RALGPS1: variants seen among roughly 807,000 people sequenced by gnomAD.
RALGPS1 encodes the protein Ral GEF with PH domain and SH3 binding motif 1.
Under a neutral mutation model 78.8 loss-of-function variants are expected in RALGPS1, and 19 were observed. The ratio of observed to expected loss-of-function variants is 0.24; its 90% confidence interval spans 0.17 to 0.35. The LOEUF is 0.35. Among genes scored for constraint, RALGPS1 ranks in the 10% least tolerant of loss-of-function variants. RALGPS1 has a pLI of 1.00. For missense variants in RALGPS1, 454 were observed against 688.3 expected, an observed-to-expected ratio of 0.66 and a Z score of 3.81; for synonymous variants, 228 against 256.3, an observed-to-expected ratio of 0.89 and a Z score of 1.06.
chr9:127,091,556 C>T lies in RALGPS1; in HGVS notation c.610+22200C>T. ...GGTAACAGGGTCAGGCAGCTTGGCC[C>T]AGCTGCTTCTCACCCTGGGATCTTC... On this transcript the variant is annotated intron_variant, in intron 8 of 18. Coordinates refer to ENST00000259351, the MANE Select transcript of RALGPS1 (RefSeq NM_014636.3). This position sits in a 1 kb window ranked among gnomAD's most constrained non-coding sequence, Gnocchi z 4.3. 7 of 1,429,234 alleles carry T rather than the reference C, an allele frequency of 4.9e-6. No individual in the cohort carries two copies. The highest frequency in any genetic ancestry group is 1.4e-5 in the South Asian group (1 of 73,668). 88.5% of individuals were successfully genotyped at this position (1,429,234 alleles called of 1,614,324 possible). A position where few individuals can be genotyped will look rare whatever the true frequency, so the allele number is the denominator to read the frequency against.
intron 8 of RALGPS1, chr9:127,079,784 A>G (rs2051006003): frequency 6.6e-6 from 1 of 152,202 alleles, no homozygotes; most frequent in Non-Finnish European, 1.5e-5. Context: ...TAAACCAGAG[A>G]CACCCAGCTA....
intron 4 of RALGPS1, among the ~76,000 whole-genome samples, chr9:126,984,330 T>C (rs991077011): frequency 6.6e-6 from 1 of 152,176 alleles, no homozygotes; most frequent in Non-Finnish European, 1.5e-5. Context: ...CTTGGACTCC[T>C]GGCCTCAAGC....
chr9:127,160,588 T>C (rs1394120996), intron 8 of RALGPS1, among the ~76,000 whole-genome samples: 1 of 152,220 alleles, frequency 6.6e-6, no homozygotes, highest in South Asian at 2.1e-4. Context: ...GGCATAGCCA[T>C]GGGGCAGATG....
At chr9:127,146,510 T>C (rs549088873) in intron 8 of RALGPS1, among the ~76,000 whole-genome samples, 8 of 151,836 alleles carry the variant, frequency 5.3e-5, no homozygotes, top group Non-Finnish European at 1.0e-4. Context: ...CTATTGTGAA[T>C]AGCGCAGTGA....
At chr9:127,168,388 G>C (rs2139682126) in intron 9 of RALGPS1, among the ~76,000 whole-genome samples, 1 of 152,314 alleles carries the variant, frequency 6.6e-6, no homozygotes, top group South Asian at 2.1e-4. Context: ...TGATATCTGA[G>C]TGGAGGTGCA....
At chr9:127,152,090 A>G (rs2058453773) in intron 8 of RALGPS1, among the ~76,000 whole-genome samples, 1 of 152,082 alleles carries the variant, frequency 6.6e-6, no homozygotes, top group Middle Eastern at 3.4e-3. Flanking sequence ...TTTCCATCGC[A>G]TCCACCCGCA....
At chr9:127,005,892 TCTC>T (rs1240426804) in intron 4 of RALGPS1, among the ~76,000 whole-genome samples, 1 of 152,172 alleles carries the variant, frequency 6.6e-6, no homozygotes, top group African/African-American at 2.4e-5. Context: ...CTGCAAACCT[TCTC>T]CTGCTGGAAG....
rs778817380 is a variant in RALGPS1, at chr9:126,960,975, C to T, written c.-65-1250C>T. Among the ~76,000 whole-genome samples the T allele has an allele frequency of 7.9e-5, 12 of 152,130 alleles. 1 individual carries two copies. Among genetic ancestry groups the T allele is most frequent in the Admixed American group, 5.9e-4 (9 of 15,270 alleles). On this transcript the variant is annotated intron_variant, in intron 1 of 18. Coordinates refer to ENST00000259351, the MANE Select transcript of RALGPS1 (RefSeq NM_014636.3). ...TCCCCTCTGACTTGACTGCCGCAGC[C>T]TCAGCTCAGGGGCCCTTCCTTACCT...
At chr9:127,131,448 G>T (rs552319697) in intron 8 of RALGPS1, among the ~76,000 whole-genome samples, 1 of 152,288 alleles carries the variant, frequency 6.6e-6, no homozygotes, top group East Asian at 1.9e-4. Context: ...CACATGCCTG[G>T]CACTGGGGAG....
At chr9:127,100,848 T>C (rs1277001058) in intron 8 of RALGPS1, among the ~76,000 whole-genome samples, 1 of 152,258 alleles carries the variant, frequency 6.6e-6, no homozygotes, top group African/African-American at 2.4e-5. Context: ...AGAACCTATG[T>C]CGGCTTTCAT....
chr9:127,092,310 C>T (rs1488064411), intron 8 of RALGPS1, among the ~76,000 whole-genome samples: 1 of 152,216 alleles, frequency 6.6e-6, no homozygotes, highest in African/African-American at 2.4e-5. Context: ...CTTCACTGAG[C>T]TTCACCTCCT....
intron 10 of RALGPS1, among the ~76,000 whole-genome samples, chr9:127,171,931 T>C (rs769209669): frequency 2.5e-4 from 38 of 152,210 alleles, no homozygotes; most frequent in Non-Finnish European, 4.3e-4. Flanking sequence ...TTCCAACTTT[T>C]TGTTAGTTGT....
At position 127,196,531 on chromosome 9, in the gene RALGPS1, A is replaced by T. The variant is rs1422318807; in HGVS notation, c.1095A>T (p.Lys365Asn). 6.2e-7 allele frequency: 1 copy of T among 1,614,212 alleles called. No individual in the cohort carries two copies. Among genetic ancestry groups the T allele is most frequent in the Non-Finnish European group, 8.5e-7 (1 of 1,180,002 alleles). Residue 365 changes from lysine to asparagine, a missense_variant, in exon 13 of 19, where the codon AAA becomes AAT. Lys to Asn is a moderately conservative substitution (Grantham distance 94). Coordinates refer to ENST00000259351, the MANE Select transcript of RALGPS1 (RefSeq NM_014636.3). ...AAAGTGCGACATTCCCATCGGAGAA[A>T]GCAAGGCACCTACTGGACGACAGTG... ...ESKSATFPSE[K>N]ARHLLDDSVL...
intron 1 of RALGPS1, among the ~76,000 whole-genome samples, chr9:126,958,142 A>AAAAATAT (rs113413659): frequency 3.4e-4 from 26 of 77,096 alleles, no homozygotes; most frequent in African/African-American, 1.0e-3. Context: ...AAAAAAAAAA[A>AAAAATAT]ATATATATAT....
At chr9:127,050,182 C>A (rs772089288) in intron 6 of RALGPS1, 50 bp downstream of exon 6, 5 of 1,385,306 alleles carry the variant, frequency 3.6e-6, no homozygotes, top group Admixed American at 1.7e-5. Context: ...CTCTCCCACA[C>A]CTCCTCCCCA....
At chr9:127,155,539 G>T (rs1588211807) in intron 8 of RALGPS1, among the ~76,000 whole-genome samples, 1 of 152,338 alleles carries the variant, frequency 6.6e-6, no homozygotes, top group African/African-American at 2.4e-5. Flanking sequence ...TGGAAAGGTA[G>T]TGTGGGGCAG....
intron 4 of RALGPS1, among the ~76,000 whole-genome samples, chr9:127,023,637 G>A (rs1201343385): frequency 4.6e-5 from 7 of 152,136 alleles, no homozygotes; most frequent in Non-Finnish European, 7.3e-5. Flanking sequence ...GCTACCAGGG[G>A]ACCTGCATGC....
At chr9:127,008,810 AT>A (rs1308084448) in intron 4 of RALGPS1, among the ~76,000 whole-genome samples, 2 of 152,228 alleles carry the variant, frequency 1.3e-5, no homozygotes, top group African/African-American at 4.8e-5. Context: ...GAGTTCATGT[AT>A]AATGAATTTA....
chr9:127,057,921 G>T (rs190717913), intron 7 of RALGPS1, among the ~76,000 whole-genome samples: 1 of 152,356 alleles, frequency 6.6e-6, no homozygotes, highest in East Asian at 1.9e-4. Flanking sequence ...GAAGAAAAGC[G>T]ATGCAGAATA....
Sources: gnomAD v4.1 joint callset for allele counts (sites outside exome capture counted in the v4.1 genomes callset) on GRCh38, gnomAD v4.1.1 for gene constraint, Gnocchi (gnomAD v3.1) non-coding constraint, MANE v1.5 for transcripts, NCBI Gene and HGNC (gene_info 2026-07-23, HGNC 2026-07-21) for gene names.